SNX24: variants seen among roughly 807,000 people sequenced by gnomAD.
The protein encoded by SNX24 is sorting nexin 24.
In SNX24, 22 loss-of-function variants were observed where a neutral mutation model predicts 28.7. That is an observed-to-expected ratio of 0.77 (90% CI 0.55 to 1.10). SNX24 has a LOEUF of 1.10. SNX24 is among the 50% of genes least tolerant of loss of function. SNX24 has a pLI of 0.00. For synonymous variants in SNX24, 69 were observed against 71.5 expected (o/e 0.96, Z 0.18); for missense variants, 221 against 201.1 (o/e 1.10, Z -0.60).
chr5:122,962,552 G>A (rs1760527826), intron 3 of SNX24, among the ~76,000 whole-genome samples: 1 of 152,208 alleles, frequency 6.6e-6, no homozygotes, highest in African/African-American at 2.4e-5. Flanking sequence ...TAAAAATTCA[G>A]ATAATGCATT....
At chr5:123,009,425 T>A (rs550553022), downstream of SNX24, among the ~76,000 whole-genome samples, 9 of 152,192 alleles carry the variant, frequency 5.9e-5, no homozygotes, top group Non-Finnish European at 2.9e-5. Flanking sequence ...AATAAGAATT[T>A]TTTTGAAAAA....
intron 5 of SNX24, chr5:123,028,638 C>CCATCCTT (rs1395458380): frequency 9.4e-6 from 6 of 639,620 alleles, no homozygotes; most frequent in Non-Finnish European, 1.6e-5. Context: ...CCCCAAAACT[C>CCATCCTT]CATCCTTCTC....
chr5:122,903,526 C>A (rs942706898), intron 1 of SNX24, among the ~76,000 whole-genome samples: 3 of 152,210 alleles, frequency 2.0e-5, no homozygotes, highest in Non-Finnish European at 4.4e-5. Flanking sequence ...GTCTGACTGA[C>A]CTGCAAATCA....
chr5:122,865,437 T>G (rs1755672020), intron 1 of SNX24, among the ~76,000 whole-genome samples: 1 of 152,220 alleles, frequency 6.6e-6, no homozygotes, highest in Non-Finnish European at 1.5e-5. Context: ...TTCAAGTGAT[T>G]CTCGTGCCTC....
intron 1 of SNX24, among the ~76,000 whole-genome samples, chr5:122,869,800 A>C (rs1755890640): frequency 6.6e-6 from 1 of 152,172 alleles, no homozygotes; most frequent in Non-Finnish European, 1.5e-5. Context: ...AGTTTTGCAG[A>C]AATAATCTGA....
chr5:122,974,868 A>G (rs1230465146), intron 3 of SNX24, among the ~76,000 whole-genome samples: 3 of 152,220 alleles, frequency 2.0e-5, no homozygotes, highest in Admixed American at 6.5e-5. Flanking sequence ...TCACCCTACC[A>G]GTCAGGGAGC....
intron 3 of SNX24, among the ~76,000 whole-genome samples, chr5:122,980,925 G>A (rs756113730): frequency 5.9e-5 from 9 of 151,992 alleles, no homozygotes; most frequent in Non-Finnish European, 7.4e-5. Flanking sequence ...TGAAATTGCC[G>A]GTGCTCATGC....
At chr5:122,937,047 G>C (rs185379405) in intron 2 of SNX24, among the ~76,000 whole-genome samples, 1 of 152,152 alleles carries the variant, frequency 6.6e-6, no homozygotes, top group African/African-American at 2.4e-5. Context: ...AAAATCTCAG[G>C]CTGCAAGCTG....
chr5:122,847,517 A>C (rs1581660976), intron 1 of SNX24, among the ~76,000 whole-genome samples: 1 of 13,086 alleles, frequency 7.6e-5, no homozygotes, highest in African/African-American at 9.6e-4. Context: ...TTTTTTTGAG[A>C]CAGTCTTCCT....
At chr5:122,937,584 A>T (rs1330608114) in intron 2 of SNX24, among the ~76,000 whole-genome samples, 1 of 152,216 alleles carries the variant, frequency 6.6e-6, no homozygotes, top group African/African-American at 2.4e-5. Context: ...AAATCCCGTT[A>T]ACAGGATAAA....
downstream of SNX24, among the ~76,000 whole-genome samples, chr5:123,009,609 C>G (rs1403180488): frequency 6.6e-6 from 1 of 152,128 alleles, no homozygotes; most frequent in Non-Finnish European, 1.5e-5. Flanking sequence ...GTGGGAAAAC[C>G]CAGTCATCAC....
At chr5:122,990,606 A>G (rs1218216491) in intron 3 of SNX24, among the ~76,000 whole-genome samples, 1 of 152,134 alleles carries the variant, frequency 6.6e-6, no homozygotes, top group Non-Finnish European at 1.5e-5. Flanking sequence ...CAATTCATCA[A>G]CACATATGGG....
chr5:123,029,020 A>G, intron 5 of SNX24: 2 of 848,916 alleles, frequency 2.4e-6, no homozygotes. Context: ...AGAGAAATTT[A>G]TCATTAGCTG....
rs369493418 is a variant in SNX24, at chr5:122,850,710, A to G, written c.60+5017A>G. Among the ~76,000 whole-genome samples, 15 of 151,360 alleles carry G rather than the reference A, an allele frequency of 9.9e-5. 2 individuals are homozygous for G. Among genetic ancestry groups the G allele is most frequent in the East Asian group, 3.9e-4 (2 of 5,090 alleles). On this transcript the variant is annotated intron_variant, in intron 1 of 6. Coordinates refer to ENST00000261369, the MANE Select transcript of SNX24 (RefSeq NM_014035.4). ...CCACTGAGTTTTTGGTGATGGGTAT[A>G]GCTATTTGATTTTGGAGTCTAGGGT...
intron 1 of SNX24, among the ~76,000 whole-genome samples, chr5:122,885,474 T>C (rs935358789): frequency 7.9e-5 from 12 of 152,204 alleles, no homozygotes; most frequent in Admixed American, 2.0e-4. Context: ...TTGAGAATGG[T>C]GGCTTCCTCC....
intron 5 of SNX24, among the ~76,000 whole-genome samples, chr5:123,026,996 C>A (rs963010930): frequency 1.3e-5 from 2 of 152,056 alleles, no homozygotes; most frequent in African/African-American, 4.8e-5. Flanking sequence ...AGATTGAGAC[C>A]ATCCTGGCTA....
intron 1 of SNX24, among the ~76,000 whole-genome samples, chr5:122,858,710 A>G (rs962343263): frequency 1.4e-4 from 21 of 152,216 alleles, no homozygotes; most frequent in African/African-American, 4.8e-4. Context: ...TGCCAATCTG[A>G]TAGGTGAACA....
intron 1 of SNX24, among the ~76,000 whole-genome samples, chr5:122,905,992 G>A (rs2150084236): frequency 6.6e-6 from 1 of 152,306 alleles, no homozygotes; most frequent in African/African-American, 2.4e-5. Flanking sequence ...ACAGCTAAGA[G>A]TCAGGTGGAG....
intron 3 of SNX24, among the ~76,000 whole-genome samples, chr5:122,972,845 T>C (rs1761011716): frequency 6.6e-6 from 1 of 152,188 alleles, no homozygotes; most frequent in Admixed American, 6.5e-5. Flanking sequence ...AATGGTGCCA[T>C]ATCACGGGCT....
Sources: allele counts gnomAD v4.1 joint callset (sites outside exome capture counted in the v4.1 genomes callset), GRCh38; gene constraint gnomAD v4.1.1; transcripts MANE v1.5; gene names NCBI Gene and HGNC (gene_info 2026-07-23, HGNC 2026-07-21).